NECTIN1: variants seen among roughly 807,000 people sequenced by gnomAD.
The protein encoded by NECTIN1 is nectin cell adhesion molecule 1.
NECTIN1 carries 23 observed loss-of-function variants against 48.0 expected under a neutral mutation model. The ratio of observed to expected loss-of-function variants is 0.48; its 90% CI spans 0.34 to 0.68. NECTIN1 has a LOEUF of 0.68. Ranked by LOEUF, NECTIN1 falls within the 30% of genes least tolerant of loss-of-function variation. The pLI is 0.01. For synonymous variants in NECTIN1, 270 were observed against 288.9 expected (o/e 0.93, Z 0.66); for missense variants, 591 against 709.9 (o/e 0.83, Z 1.90).
chr11:119,695,251 C>T (rs1033982777), intron 1 of NECTIN1, among the ~76,000 whole-genome samples: 5 of 152,092 alleles, frequency 3.3e-5, no homozygotes, highest in Non-Finnish European at 7.4e-5. Flanking sequence ...ACTTATCAGG[C>T]CTTCACAATC....
intron 5 of NECTIN1, chr11:119,642,601 C>T (rs1442329758): frequency 6.5e-6 from 1 of 153,640 alleles, no homozygotes; most frequent in Non-Finnish European, 1.5e-5. Context: ...TCTATAAGGG[C>T]CCTTTCATCA....
At chr11:119,714,326 C>T (rs1228252370) in intron 1 of NECTIN1, among the ~76,000 whole-genome samples, 2 of 152,164 alleles carry the variant, frequency 1.3e-5, no homozygotes, top group African/African-American at 2.4e-5. Context: ...TGCTGTGGCT[C>T]GCCCTCCCAG....
At chr11:119,725,943 C>T (rs182855017) in intron 1 of NECTIN1, among the ~76,000 whole-genome samples, 72 of 152,322 alleles carry the variant, frequency 4.7e-4, no homozygotes, top group Admixed American at 2.0e-3. Context: ...CACTGACCCT[C>T]TCCTCTAAGT....
Position 119,728,839 on chromosome 11 carries a change from T to G in NECTIN1, c.-286A>C. 1 of 340,908 alleles carries G rather than the reference T, an allele frequency of 2.9e-6. No homozygotes were observed. The highest frequency in any genetic ancestry group is 5.3e-6 in the Non-Finnish European group (1 of 189,150). 21.1% of individuals were successfully genotyped at this position (340,908 alleles called of 1,614,324 possible). On this transcript the variant is annotated 5_prime_UTR_variant, in exon 1 of 6. Coordinates refer to ENST00000264025, the MANE Select transcript of NECTIN1 (RefSeq NM_002855.5). ...CTCCTCCCGGCGCCGGTCCCCGCCC[T>G]CTTCTTCCACGCAGAGCGGGGCTGG... is the stretch of plus-strand genomic sequence containing the variant.
chr11:119,707,841 C>T (rs1290973778), intron 1 of NECTIN1, among the ~76,000 whole-genome samples: 2 of 152,236 alleles, frequency 1.3e-5, no homozygotes, highest in African/African-American at 4.8e-5. Context: ...CGACACTCTT[C>T]TACCCCTGCT....
At position 119,647,161 on chromosome 11, in the gene NECTIN1, A is replaced by ATGTGTGTGTGTGTG. The variant is rs58590467; in HGVS notation, c.1004-7163_1004-7150dup. On this transcript the variant is annotated intron_variant, in intron 5 of 7. Transcript: ENST00000341398. ...GATGAGGGGCCAGAGCTTGCGGCGC[A>ATGTGTGTGTGTGTG]TGTGTGTGTGTGTGTGTGTGTGTGT... 4.7e-3 allele frequency among the ~76,000 whole-genome samples: 400 copies of ATGTGTGTGTGTGTG among 84,762 alleles called. 24 individuals are homozygous for ATGTGTGTGTGTGTG. The highest frequency in any genetic ancestry group is 6.9e-3 in the Middle Eastern group (1 of 144). The allele number at this position is 84,762 out of a possible 152,430, so 55.6% of individuals were successfully genotyped here.
At chr11:119,706,757 C>T (rs1438900762) in intron 1 of NECTIN1, among the ~76,000 whole-genome samples, 1 of 152,206 alleles carries the variant, frequency 6.6e-6, no homozygotes, top group Non-Finnish European at 1.5e-5. Flanking sequence ...CTTGTCCTAA[C>T]AGCACACAGG....
At position 119,677,568 on chromosome 11, in the gene NECTIN1, A is replaced by C; in HGVS notation, c.720T>G (p.Thr240=). 6.2e-7 allele frequency: 1 copy of C among 1,612,556 alleles called. No homozygotes were observed. The highest frequency in any genetic ancestry group is 8.5e-7 in the Non-Finnish European group (1 of 1,180,002). The change falls in exon 3 of 6, where the codon ACT becomes ACG. Residue 240 remains threonine, a synonymous_variant. Transcript: ENST00000264025. This position sits in a 1 kb window ranked among gnomAD's most constrained non-coding sequence, Gnocchi z 5.4. The part of the protein sequence containing the change: ...YHMDRFKESL[T]LNVQYEPEVT... The stretch of plus-strand genomic sequence containing the variant: ...AGCCCTGCTCACACTGCACGTTGAG[A>C]GTGAGGCTTTCCTTGAAGCGGTCCA...
Position 119,663,493 on chromosome 11 carries a change from C to G in NECTIN1, c.*1254G>C. ...GAGGTGGCCTAGCGGCCCCACCCCCCTCACTTTCTGCCAGGCCCGAGGCTT... is the reference window on the plus strand; with the variant it reads ...GAGGTGGCCTAGCGGCCCCACCCCCGTCACTTTCTGCCAGGCCCGAGGCTT... On this transcript the variant is annotated 3_prime_UTR_variant, in exon 6 of 6. Transcript: ENST00000264025. 1.0e-6 allele frequency: 1 copy of G among 985,568 alleles called. No homozygotes were observed. The highest frequency in any genetic ancestry group is 4.7e-5 in the South Asian group (1 of 21,294). 61.1% of individuals were successfully genotyped at this position (985,568 alleles called of 1,614,324 possible). A position where few individuals can be genotyped will look rare whatever the true frequency, so the allele number is the denominator to read the frequency against.
At chr11:119,653,323 G>A (rs1434543704) in intron 5 of NECTIN1, among the ~76,000 whole-genome samples, 1 of 152,214 alleles carries the variant, frequency 6.6e-6, no homozygotes, top group Non-Finnish European at 1.5e-5. Context: ...TATGTCAGGT[G>A]GCTCCCGGGG....
chr11:119,663,922 A>C lies in NECTIN1; in HGVS notation c.*825T>G, dbSNP rs913027165. On this transcript the variant is annotated 3_prime_UTR_variant, in exon 6 of 6. Coordinates refer to ENST00000264025, the MANE Select transcript of NECTIN1 (RefSeq NM_002855.5). ...GGGGCAGGGCATGGGACTCCAGGGG[A>C]AAGCAGGCAGAGAGGAGCAGTGTGT... is the stretch of plus-strand genomic sequence containing the variant. The C allele has an allele frequency of 3.0e-6, 3 of 986,384 alleles. No homozygotes were observed. Among genetic ancestry groups the C allele is most frequent in the Middle Eastern group, 5.1e-4 (1 of 1,950 alleles). The allele number at this position is 986,384 out of a possible 1,614,324, so 61.1% of individuals were successfully genotyped here. A position where few individuals can be genotyped will look rare whatever the true frequency, so the allele number is the denominator to read the frequency against.
chr11:119,675,309 G>T lies in NECTIN1; in HGVS notation c.853C>A (p.Leu285Ile). ...PPATEYHWTT[L>I]NGSLPKGVEA... Reference sequence around the variant, plus strand: ...ACACCCTTGGGGAGAGAGCCATTTAGCCTGTGGGAAGTGGGAGACACAGCG... The same window carrying T: ...ACACCCTTGGGGAGAGAGCCATTTATCCTGTGGGAAGTGGGAGACACAGCG... The change falls in exon 5 of 6, where the codon CTA becomes ATA. Residue 285 changes from leucine to isoleucine, a missense_variant and splice_region_variant. Transcript: ENST00000264025. The T allele has an allele frequency of 1.9e-6, 3 of 1,614,164 alleles. No individual in the cohort carries two copies. Among genetic ancestry groups the T allele is most frequent in the Non-Finnish European group, 2.5e-6 (3 of 1,180,034 alleles).
chr11:119,675,967 T>C (rs1014920967), intron 4 of NECTIN1, among the ~76,000 whole-genome samples: 4 of 151,162 alleles, frequency 2.6e-5, no homozygotes, highest in African/African-American at 4.9e-5. Context: ...GATTGCGCCA[T>C]TGCACTCCAG....
chr11:119,717,703 C>T (rs1238129701), intron 1 of NECTIN1, among the ~76,000 whole-genome samples: 1 of 152,192 alleles, frequency 6.6e-6, no homozygotes, highest in Admixed American at 6.5e-5. Context: ...TCAAAGGGGC[C>T]CGGTCCCAGA....
At chr11:119,693,495 C>T (rs1363114157) in intron 1 of NECTIN1, among the ~76,000 whole-genome samples, 1 of 152,228 alleles carries the variant, frequency 6.6e-6, no homozygotes, top group African/African-American at 2.4e-5. Flanking sequence ...CAAGCTCTGT[C>T]CTTTCCCAAG....
Position 119,661,165 on chromosome 11 carries a change from G to A in NECTIN1, c.*3582C>T, listed in dbSNP as rs867525766. On this transcript the variant is annotated 3_prime_UTR_variant, in exon 6 of 6. Coordinates refer to ENST00000264025, the MANE Select transcript of NECTIN1 (RefSeq NM_002855.5). Reference sequence around the variant, plus strand: ...CCAAAGGCGGAAAGGGCGACAAGACGCCGAAGCAAGGTAGCGCATCACGCT... The same window carrying A: ...CCAAAGGCGGAAAGGGCGACAAGACACCGAAGCAAGGTAGCGCATCACGCT... 3.1e-5 allele frequency: 31 copies of A among 985,724 alleles called. No homozygotes were observed. Among genetic ancestry groups the A allele is most frequent in the East Asian group, 1.1e-4 (1 of 8,828 alleles). 61.1% of individuals were successfully genotyped at this position (985,724 alleles called of 1,614,324 possible).
In NECTIN1 at chr11:119,683,937, C is replaced by T. The variant is rs1005207950; in HGVS notation, c.80-5172G>A. 6.6e-6 allele frequency among the ~76,000 whole-genome samples: 1 copy of T among 151,996 alleles called. No individual in the cohort carries two copies. Among genetic ancestry groups the T allele is most frequent in the Non-Finnish European group, 1.5e-5 (1 of 68,018 alleles). On this transcript the variant is annotated intron_variant, in intron 1 of 5. Coordinates refer to ENST00000264025, the MANE Select transcript of NECTIN1 (RefSeq NM_002855.5). This position sits in a 1 kb window ranked among gnomAD's most constrained non-coding sequence, Gnocchi z 4.0. The stretch of plus-strand genomic sequence containing the variant: ...CAGCATGACGGGCCTCAGGCCGGCC[C>T]CCTGAGACGTCACAGACCTGCAAAC...
At chr11:119,647,101 C>T (rs1290050106) in intron 5 of NECTIN1, among the ~76,000 whole-genome samples, 1 of 151,940 alleles carries the variant, frequency 6.6e-6, no homozygotes, top group Non-Finnish European at 1.5e-5. Flanking sequence ...ATGGGCCACA[C>T]ACCCCCAACT....
At chr11:119,723,472 G>A (rs1276146291) in intron 1 of NECTIN1, among the ~76,000 whole-genome samples, 1 of 152,168 alleles carries the variant, frequency 6.6e-6, no homozygotes, top group Non-Finnish European at 1.5e-5. Context: ...GGCTGTGAAA[G>A]GCAGACCTCC....
Sources: allele counts gnomAD v4.1 joint callset (sites outside exome capture counted in the v4.1 genomes callset), GRCh38; gene constraint gnomAD v4.1.1; non-coding constraint Gnocchi (gnomAD v3.1); transcripts MANE v1.5; gene names NCBI Gene and HGNC (gene_info 2026-07-23, HGNC 2026-07-21).